COMMD1: variants seen among roughly 807,000 people sequenced by gnomAD.
The protein encoded by COMMD1 is copper metabolism domain containing 1.
A neutral mutation model predicts 17.2 loss-of-function variants in COMMD1; 10 were observed. The ratio of observed to expected loss-of-function variants is 0.58; its 90% CI spans 0.36 to 0.99. The LOEUF is 0.99. Ranked by LOEUF, COMMD1 falls within the 50% of genes least tolerant of loss-of-function variation. The pLI, the probability that COMMD1 is intolerant of heterozygous loss-of-function variation, is 0.01. For missense variants in COMMD1, 270 were observed against 231.8 expected (o/e 1.17, Z -1.07); for synonymous variants, 97 against 91.6 (o/e 1.06, Z -0.34).
In COMMD1 at chr2:61,924,885, C is replaced by T. The variant is rs60599738; in HGVS notation, c.180+19027C>T. Reference sequence around the variant, plus strand: ...CTACAGGAGAGGGCGTCCCCTTTCCCGTGGAACTTGTCTGGAATAGAGGAG... The same window carrying T: ...CTACAGGAGAGGGCGTCCCCTTTCCTGTGGAACTTGTCTGGAATAGAGGAG... On this transcript the variant is annotated intron_variant, in intron 1 of 2. Transcript: ENST00000311832. Among the ~76,000 whole-genome samples, 711 of 152,252 alleles carry T rather than the reference C, an allele frequency of 4.7e-3. 2 individuals are homozygous for T. Among genetic ancestry groups the T allele is most frequent in the African/African-American group, 0.015 (643 of 41,544 alleles).
chr2:62,058,755 G>A (rs1409080360), intron 2 of COMMD1, among the ~76,000 whole-genome samples: 1 of 151,924 alleles, frequency 6.6e-6, no homozygotes, highest in Non-Finnish European at 1.5e-5. Context: ...AAAGGTGGGA[G>A]GTATTAAATA....
chr2:62,076,594 A>C (rs577353152), intron 2 of COMMD1, among the ~76,000 whole-genome samples: 1 of 152,140 alleles, frequency 6.6e-6, no homozygotes, highest in Non-Finnish European at 1.5e-5. Flanking sequence ...TAAAAACACA[A>C]AAACTAGCCG....
upstream of COMMD1, chr2:61,888,460 G>A (rs776302850): frequency 6.2e-7 from 1 of 1,611,540 alleles, no homozygotes; most frequent in East Asian, 2.2e-5. Context: ...CGCGGCCGCC[G>A]GCAGCCCCGG....
chr2:62,040,263 AAATAGAAAAAGTACCTATT>A (rs1670153247), intron 2 of COMMD1, among the ~76,000 whole-genome samples: 1 of 152,290 alleles, frequency 6.6e-6, no homozygotes, highest in Admixed American at 6.5e-5. Flanking sequence ...CAAAAAATAA[AAATAGAAAAAGTACCTATT>A]ATATGCCAGT....
At chr2:62,015,402 A>T (rs1669410085) in intron 2 of COMMD1, among the ~76,000 whole-genome samples, 1 of 152,152 alleles carries the variant, frequency 6.6e-6, no homozygotes, top group Admixed American at 6.5e-5. Context: ...CATATACCAC[A>T]TTTTGTTTAT....
chr2:61,905,686 C>A lies in COMMD1; in HGVS notation c.8C>A (p.Ala3Glu). Residue 3 changes from alanine to glutamate, a missense_variant, in exon 1 of 3, where the codon GCG becomes GAG. Physicochemically the swap from Ala to Glu is moderately radical, Grantham distance 107. Coordinates refer to ENST00000311832, the MANE Select transcript of COMMD1 (RefSeq NM_152516.4). MA[A>E]GELEGGKPLS... The stretch of plus-strand genomic sequence containing the variant: ...GCGGGGCCTTCGCAGAGCATGGCGG[C>A]GGGCGAGCTTGAGGGTGGCAAACCC... 1 of 1,560,910 alleles carries A rather than the reference C, an allele frequency of 6.4e-7. No homozygotes were observed.
intron 2 of COMMD1, among the ~76,000 whole-genome samples, chr2:62,085,567 G>C (rs1671639773): frequency 1.3e-5 from 2 of 152,164 alleles, no homozygotes; most frequent in African/African-American, 2.4e-5. Context: ...GCTGGGCATG[G>C]TGGCTCATGC....
chr2:62,060,719 CTTTA>C (rs2103938474), intron 2 of COMMD1, among the ~76,000 whole-genome samples: 1 of 152,224 alleles, frequency 6.6e-6, no homozygotes, highest in East Asian at 1.9e-4. Context: ...GTTATTTCAT[CTTTA>C]TTCTTGATGG....
chr2:61,919,258 C>T (rs968797188), intron 1 of COMMD1, among the ~76,000 whole-genome samples: 6 of 152,040 alleles, frequency 3.9e-5, no homozygotes, highest in African/African-American at 9.7e-5. Context: ...GTGATGTGCC[C>T]GCCTCGGCCT....
intron 2 of COMMD1, among the ~76,000 whole-genome samples, chr2:62,065,731 T>TCG (rs1309845387): frequency 6.6e-6 from 1 of 152,246 alleles, no homozygotes; most frequent in African/African-American, 2.4e-5. Context: ...TTTATTATAA[T>TCG]CGTTCATTTG....
Position 61,974,886 on chromosome 2 carries a change from T to C in COMMD1, c.181-25815T>C, listed in dbSNP as rs1671751505. Among the ~76,000 whole-genome samples the C allele has an allele frequency of 2.6e-5, 4 of 151,920 alleles. No individual in the cohort carries two copies. In the South Asian group the frequency reaches 8.3e-4, roughly 31 times the overall value. On this transcript the variant is annotated intron_variant, in intron 1 of 2. Coordinates refer to ENST00000311832, the MANE Select transcript of COMMD1 (RefSeq NM_152516.4). ...TGATGTTATTATTAATTAAAGTCCA[T>C]TGTTTACATTAGCGTTCACTCTGCT...
chr2:62,068,620 C>CTTT (rs67517468), intron 2 of COMMD1, among the ~76,000 whole-genome samples: 26 of 89,252 alleles, frequency 2.9e-4, no homozygotes, highest in Non-Finnish European at 3.4e-4. Flanking sequence ...GTAGTATAAT[C>CTTT]TTTTTTTTTT....
intron 1 of COMMD1, among the ~76,000 whole-genome samples, chr2:61,890,826 CAAAAAAAA>C (rs59877732): frequency 1.0e-5 from 1 of 98,992 alleles, no homozygotes. Flanking sequence ...GACTTTGTCT[CAAAAAAAA>C]AAAAAAAAAA....
At chr2:61,989,250 T>G (rs994781187) in intron 1 of COMMD1, among the ~76,000 whole-genome samples, 6 of 152,170 alleles carry the variant, frequency 3.9e-5, no homozygotes, top group Non-Finnish European at 2.9e-5. Flanking sequence ...TGTTAAACAA[T>G]GGATGAACCA....
chr2:62,036,234 C>T (rs995940144), intron 2 of COMMD1, among the ~76,000 whole-genome samples: 1 of 152,134 alleles, frequency 6.6e-6, no homozygotes, highest in African/African-American at 2.4e-5. Context: ...AAATGAGTAT[C>T]TTTCACACTG....
chr2:61,971,870 C>G (rs1671660093), intron 1 of COMMD1, among the ~76,000 whole-genome samples: 1 of 152,036 alleles, frequency 6.6e-6, no homozygotes, highest in Admixed American at 6.5e-5. Context: ...CCTGTAATCC[C>G]AGCACTTTGG....
At chr2:61,914,723 C>T (rs1558519780) in intron 1 of COMMD1, among the ~76,000 whole-genome samples, 1 of 151,924 alleles carries the variant, frequency 6.6e-6, no homozygotes, top group East Asian at 1.9e-4. Flanking sequence ...CAGAGTCTCA[C>T]TCTGTTGCCC....
chr2:62,026,061 A>C (rs1669746660), intron 2 of COMMD1, among the ~76,000 whole-genome samples: 1 of 152,096 alleles, frequency 6.6e-6, no homozygotes. Flanking sequence ...ATTATCATAC[A>C]ACTAGTAGAA....
intron 1 of COMMD1, among the ~76,000 whole-genome samples, chr2:61,934,556 C>T (rs1420921327): frequency 1.3e-5 from 2 of 150,740 alleles, no homozygotes; most frequent in African/African-American, 2.4e-5. Context: ...GACCCTGCCT[C>T]AAAAAAAAAT....
Sources: allele counts gnomAD v4.1 joint callset (sites outside exome capture counted in the v4.1 genomes callset), GRCh38; gene constraint gnomAD v4.1.1; transcripts MANE v1.5; gene names NCBI Gene and HGNC (gene_info 2026-07-23, HGNC 2026-07-21).